Variants in SYT9 observed in about 807,000 individuals in gnomAD.
SYT9 encodes synaptotagmin 9.
Under a neutral mutation model 48.4 loss-of-function variants are expected in SYT9, and 22 were observed. That is an observed-to-expected ratio of 0.45 (90% CI 0.32 to 0.65). The LOEUF is 0.65. Ranked by LOEUF, SYT9 falls within the 30% of genes least tolerant of loss-of-function variation. The probability of loss-of-function intolerance (pLI) is 0.03; values close to 1 mark genes in which losing one functional copy is unlikely to be tolerated. For missense variants in SYT9, 577 were observed against 622.0 expected (o/e 0.93, Z 0.77); for synonymous variants, 265 against 245.0 (o/e 1.08, Z -0.76).
At chr11:7,332,011 A>G (rs16924979) in intron 3 of SYT9, among the ~76,000 whole-genome samples, 3,751 of 152,338 alleles carry the variant, frequency 0.025, 153 homozygotes, top group African/African-American at 0.084. Flanking sequence ...AATAGCTCCA[A>G]TATGGCGTGT....
intron 1 of SYT9, among the ~76,000 whole-genome samples, chr11:7,292,636 T>C (rs924955928): frequency 6.6e-6 from 1 of 152,224 alleles, no homozygotes; most frequent in Non-Finnish European, 1.5e-5. Flanking sequence ...CTACATGTTT[T>C]TGAGTTTCGT....
intron 1 of SYT9, among the ~76,000 whole-genome samples, chr11:7,274,652 T>C (rs1464103527): frequency 6.6e-6 from 1 of 152,108 alleles, no homozygotes; most frequent in Non-Finnish European, 1.5e-5. Flanking sequence ...TTTATTTAGT[T>C]AGTTTCTTCC....
At chr11:7,261,465 A>G (rs527321405) in intron 1 of SYT9, among the ~76,000 whole-genome samples, 9 of 152,314 alleles carry the variant, frequency 5.9e-5, no homozygotes, top group African/African-American at 1.9e-4. Context: ...TAGACACAGT[A>G]TTGTACATAC....
intron 3 of SYT9, among the ~76,000 whole-genome samples, chr11:7,359,428 T>C (rs1413264374): frequency 2.1e-5 from 1 of 47,150 alleles, no homozygotes; most frequent in African/African-American, 7.2e-5. Flanking sequence ...ATCGCCACAC[T>C]GACTTCCACA....
intron 3 of SYT9, among the ~76,000 whole-genome samples, chr11:7,358,712 C>T (rs574554453): frequency 2.6e-5 from 4 of 152,252 alleles, no homozygotes; most frequent in East Asian, 1.9e-4. Context: ...TTTCCATTTC[C>T]ATCATGCTAT....
chr11:7,466,927 C>A lies in SYT9; in HGVS notation c.*127C>A. ...GTGACCAAATGCTCAGCTGTAACCA[C>A]AGCACTAACTGGCCTTCTTTCCAGA... On this transcript the variant is annotated 3_prime_UTR_variant, in exon 7 of 7. Coordinates refer to ENST00000318881, the MANE Select transcript of SYT9 (RefSeq NM_175733.4). 1 of 1,180,770 alleles carries A rather than the reference C, an allele frequency of 8.5e-7. No homozygotes were observed. Among genetic ancestry groups the A allele is most frequent in the Non-Finnish European group, 1.2e-6 (1 of 810,596 alleles). The allele number at this position is 1,180,770 out of a possible 1,614,324, so 73.1% of individuals were successfully genotyped here. A position where few individuals can be genotyped will look rare whatever the true frequency, so the allele number is the denominator to read the frequency against.
chr11:7,382,909 G>T (rs567626516), intron 3 of SYT9, among the ~76,000 whole-genome samples: 3 of 152,292 alleles, frequency 2.0e-5, no homozygotes, highest in South Asian at 2.1e-4. Flanking sequence ...CGGAGCCCCA[G>T]CACCAGCTCA....
intron 3 of SYT9, among the ~76,000 whole-genome samples, chr11:7,342,742 C>G (rs746038313): frequency 6.6e-6 from 1 of 152,198 alleles, no homozygotes; most frequent in African/African-American, 2.4e-5. Flanking sequence ...AGTGGGGACT[C>G]TGTGTGGGGG....
intron 1 of SYT9, among the ~76,000 whole-genome samples, chr11:7,272,001 T>TC (rs1254551496): frequency 6.6e-6 from 1 of 152,220 alleles, no homozygotes; most frequent in African/African-American, 2.4e-5. Flanking sequence ...TACCATTGAA[T>TC]CTGCTTTTGT....
chr11:7,242,127 G>T (rs1847746662), intron 1 of SYT9, among the ~76,000 whole-genome samples: 1 of 152,220 alleles, frequency 6.6e-6, no homozygotes, highest in Admixed American at 6.5e-5. Flanking sequence ...TGCTGTAAAT[G>T]GATGCATAGG....
intron 3 of SYT9, among the ~76,000 whole-genome samples, chr11:7,370,416 A>AT: frequency 6.6e-6 from 1 of 152,252 alleles, no homozygotes; most frequent in South Asian, 2.1e-4. Context: ...TTTAAAGTAG[A>AT]TTAGTGGTTA....
intron 6 of SYT9, chr11:7,457,831 A>G (rs1178622586): frequency 6.6e-6 from 1 of 152,190 alleles, no homozygotes; most frequent in Non-Finnish European, 1.5e-5. Context: ...ACCCATGACC[A>G]TTTCCTCCAG....
chr11:7,298,784 C>T (rs975319129), intron 1 of SYT9, among the ~76,000 whole-genome samples: 5 of 152,014 alleles, frequency 3.3e-5, no homozygotes, highest in African/African-American at 1.2e-4. Flanking sequence ...TGCATCACGT[C>T]TTATGGCTAG....
chr11:7,257,634 G>A (rs370571373), intron 1 of SYT9, among the ~76,000 whole-genome samples: 28 of 152,216 alleles, frequency 1.8e-4, no homozygotes, highest in South Asian at 1.7e-3. Flanking sequence ...AACACTGGAT[G>A]TTTATGAATA....
intron 1 of SYT9, among the ~76,000 whole-genome samples, chr11:7,276,603 C>T (rs1848398023): frequency 6.6e-6 from 1 of 152,182 alleles, no homozygotes. Context: ...CATTCTTAAG[C>T]TGTCCCCTCA....
intron 6 of SYT9, among the ~76,000 whole-genome samples, chr11:7,442,071 C>T (rs1309204167): frequency 1.3e-5 from 2 of 152,104 alleles, no homozygotes; most frequent in Admixed American, 1.3e-4. Flanking sequence ...GGGCAGCAAA[C>T]GAAATCTGAA....
At chr11:7,360,703 CT>C (rs1264832466) in intron 3 of SYT9, among the ~76,000 whole-genome samples, 1 of 152,096 alleles carries the variant, frequency 6.6e-6, no homozygotes, top group African/African-American at 2.4e-5. Flanking sequence ...TATAATTTTC[CT>C]CTCTCCTACT....
chr11:7,401,724 G>C (rs181349796), intron 3 of SYT9, among the ~76,000 whole-genome samples: 8 of 151,700 alleles, frequency 5.3e-5, no homozygotes, highest in Non-Finnish European at 8.9e-5. Flanking sequence ...TATCTATACA[G>C]ATTTACAGAC....
chr11:7,434,274 T>C (rs1847661741), intron 6 of SYT9, among the ~76,000 whole-genome samples: 1 of 152,080 alleles, frequency 6.6e-6, no homozygotes, highest in East Asian at 1.9e-4. Flanking sequence ...TGGTTCAAGA[T>C]AACAAAATAT....
Sources: allele counts gnomAD v4.1 joint callset (sites outside exome capture counted in the v4.1 genomes callset), GRCh38; gene constraint gnomAD v4.1.1; transcripts MANE v1.5; gene names NCBI Gene and HGNC (gene_info 2026-07-23, HGNC 2026-07-21).